FAS: variants seen among roughly 807,000 people sequenced by gnomAD.
FAS encodes the protein Fas cell surface death receptor.
A neutral mutation model predicts 33.2 loss-of-function variants in FAS; 5 were observed. That is an observed-to-expected ratio of 0.15 (90% confidence interval 0.08 to 0.32). The LOEUF (loss-of-function observed/expected upper bound fraction) is 0.32, where lower values mean the gene tolerates loss of function less well. Ranked by LOEUF, FAS falls within the 10% of genes least tolerant of loss-of-function variation. The pLI is 1.00. For synonymous variants in FAS, 131 were observed against 130.7 expected, an observed-to-expected ratio of 1.00 and a Z score of -0.01; for missense variants, 339 against 386.0, an observed-to-expected ratio of 0.88 and a Z score of 1.02.
At chr10:88,987,669 G>T (rs1173464690), upstream of FAS, among the ~76,000 whole-genome samples, 2 of 152,240 alleles carry the variant, frequency 1.3e-5, no homozygotes, top group East Asian at 3.8e-4. Flanking sequence ...GTGATGTGCT[G>T]ATTGGCTTAA....
upstream of FAS, among the ~76,000 whole-genome samples, chr10:88,985,416 T>A (rs540497566): frequency 6.6e-6 from 1 of 152,240 alleles, no homozygotes; most frequent in African/African-American, 2.4e-5. Flanking sequence ...TTAATACCAC[T>A]ATTGTATTAG....
intron 2 of FAS, among the ~76,000 whole-genome samples, chr10:89,006,630 A>C (rs1465459018): frequency 6.6e-6 from 1 of 152,178 alleles, no homozygotes; most frequent in East Asian, 1.9e-4. Context: ...CTATTCCCTT[A>C]CCTTCATCTA....
intron 1 of FAS, among the ~76,000 whole-genome samples, chr10:88,999,819 G>T (rs1025823096): frequency 4.6e-5 from 7 of 152,084 alleles, no homozygotes; most frequent in East Asian, 3.8e-4. Context: ...TTGCATTTTT[G>T]ACATGGGAAT....
chr10:88,969,304 A>C (rs1846380629), intron 1 of FAS, among the ~76,000 whole-genome samples: 1 of 152,050 alleles, frequency 6.6e-6, no homozygotes. Flanking sequence ...TTTTCCATCA[A>C]AAAAAAATCT....
At chr10:88,990,462 G>T, upstream of FAS, 1 of 515,626 alleles carries the variant, frequency 1.9e-6, no homozygotes, top group Non-Finnish European at 3.7e-6. The surrounding 1 kb of genome is among the most constrained non-coding windows in gnomAD (Gnocchi z 4.9). Flanking sequence ...CTGCAGGAAC[G>T]CCCCGGGACA....
chr10:88,981,578 C>G (rs116892683), intron 2 of FAS, among the ~76,000 whole-genome samples: 98 of 152,248 alleles, frequency 6.4e-4, no homozygotes, highest in East Asian at 5.0e-3. Context: ...AAAACAGGGA[C>G]ATTTCCCAAT....
intron 1 of FAS, chr10:88,973,171 G>A (rs1846487793): frequency 1.2e-6 from 2 of 1,608,868 alleles, no homozygotes; most frequent in South Asian, 2.2e-5. Context: ...TTTCTTCTGT[G>A]TGACCTATAG....
Position 89,003,012 on chromosome 10 carries a change from A to C in FAS, c.31-17A>C. 2 of 1,613,984 alleles carry C rather than the reference A, an allele frequency of 1.2e-6. No individual in the cohort carries two copies. Among genetic ancestry groups the C allele is most frequent in the Non-Finnish European group, 1.7e-6 (2 of 1,179,920 alleles). The stretch of plus-strand genomic sequence containing the variant: ...TTCAGAAATCAATAAAATTCTCTTC[A>C]TGCTTTTATTTTACAGGTTCTTACG... On this transcript the variant is annotated splice_polypyrimidine_tract_variant and intron_variant, in intron 1 of 8. Coordinates refer to ENST00000652046, the MANE Select transcript of FAS (RefSeq NM_000043.6).
At chr10:89,005,945 A>C (rs569410405) in intron 2 of FAS, among the ~76,000 whole-genome samples, 5 of 152,308 alleles carry the variant, frequency 3.3e-5, no homozygotes, top group Non-Finnish European at 5.9e-5. Flanking sequence ...GGCCTGATAC[A>C]TAAGTTCTTA....
upstream of FAS, among the ~76,000 whole-genome samples, chr10:88,981,778 G>A (rs904632861): frequency 7.9e-5 from 12 of 152,266 alleles, no homozygotes; most frequent in Middle Eastern, 3.4e-3. Flanking sequence ...GTCTGTGCTC[G>A]TGGGTATGTA....
Position 88,990,959 on chromosome 10 carries a change from A to G in FAS, c.30+53A>G. 1 of 1,613,054 alleles carries G rather than the reference A, an allele frequency of 6.2e-7. No homozygotes were observed. The highest frequency in any genetic ancestry group is 1.1e-5 in the South Asian group (1 of 91,052). On this transcript the variant is annotated intron_variant, in intron 1 of 8. Coordinates refer to ENST00000652046, the MANE Select transcript of FAS (RefSeq NM_000043.6). The surrounding 1 kb of genome is among the most constrained non-coding windows in gnomAD (Gnocchi z 4.9). ...CTTACCCCGTCTTAGTCCCGGGGAT[A>G]GGCAAAGTGGGGCGGGCGCGGGACG...
chr10:89,008,979 A>G lies in FAS; in HGVS notation c.425A>G (p.His142Arg). The change falls in exon 4 of 9, where the codon CAC becomes CGC. Residue 142 changes from histidine (H) to arginine (R), a missense_variant. Around this residue, in one of 3 missense-constraint regions of FAS, gnomAD observed 276 missense variants for 300.1 expected, o/e 0.92. Coordinates refer to ENST00000652046, the MANE Select transcript of FAS (RefSeq NM_000043.6). ...TTTTGTAACTCTACTGTATGTGAAC[A>G]CTGTGACCCTTGCACCAAGTAAGTT... ...NFFCNSTVCE[H>R]CDPCTKCEHG... 6.2e-7 allele frequency: 1 copy of G among 1,613,670 alleles called. No individual in the cohort carries two copies. Among genetic ancestry groups the G allele is most frequent in the Non-Finnish European group, 8.5e-7 (1 of 1,179,544 alleles).
At chr10:88,999,156 A>AAAAT (rs1315595413) in intron 1 of FAS, among the ~76,000 whole-genome samples, 5 of 117,434 alleles carry the variant, frequency 4.3e-5, no homozygotes, top group Non-Finnish European at 9.8e-5. Context: ...CCGTCTCAAA[A>AAAAT]AAATAAATAA....
At chr10:89,007,089 T>C (rs1261896684) in intron 2 of FAS, among the ~76,000 whole-genome samples, 1 of 152,190 alleles carries the variant, frequency 6.6e-6, no homozygotes, top group Non-Finnish European at 1.5e-5. Context: ...CGAGTGCAGC[T>C]CTGACAGCAA....
At position 89,016,338 on chromosome 10, in the gene FAS, C is replaced by T. The variant is rs1028556515; in HGVS notation, c.*1888C>T. ...GATCACAGGGTTCACTCATTAATTT[C>T]TCTTTTCTGAGCCATCATAGTCTGT... On this transcript the variant is annotated 3_prime_UTR_variant, in exon 9 of 9. Coordinates refer to ENST00000652046, the MANE Select transcript of FAS (RefSeq NM_000043.6). The T allele has an allele frequency of 1.8e-5, 4 of 218,694 alleles. No individual in the cohort carries two copies. Among genetic ancestry groups the T allele is most frequent in the Non-Finnish European group, 2.8e-5 (3 of 108,934 alleles). The allele number at this position is 218,694 out of a possible 1,614,324, so 13.5% of individuals were successfully genotyped here.
intron 6 of FAS, 76 bp from the exon 7 acceptor site, chr10:89,011,923 T>A: frequency 8.0e-7 from 1 of 1,253,154 alleles, no homozygotes; most frequent in Admixed American, 1.8e-5. Context: ...TATATTTCTC[T>A]TAGTGTGAAA....
At chr10:88,978,269 G>GTC (rs1846621275) in intron 2 of FAS, among the ~76,000 whole-genome samples, 1 of 115,760 alleles carries the variant, frequency 8.6e-6, no homozygotes, top group Non-Finnish European at 1.7e-5. Context: ...GGAGGGGGGA[G>GTC]GGATAGCATC....
chr10:88,981,366 G>C (rs1424147136), intron 2 of FAS, among the ~76,000 whole-genome samples: 2 of 143,800 alleles, frequency 1.4e-5, no homozygotes, highest in Non-Finnish European at 3.0e-5. Context: ...TTAACCATCG[G>C]GTTAAGAGAG....
chr10:89,010,929 T>G, intron 6 of FAS, 114 bp downstream of exon 6: 1 of 1,242,590 alleles, frequency 8.0e-7, no homozygotes, highest in East Asian at 2.3e-5. Flanking sequence ...TTATGTATTG[T>G]TAATTTCTTG....
Sources: allele counts gnomAD v4.1 joint callset (sites outside exome capture counted in the v4.1 genomes callset), GRCh38; gene constraint gnomAD v4.1.1; regional missense constraint gnomAD v4.1.1; non-coding constraint Gnocchi (gnomAD v3.1); transcripts MANE v1.5; gene names NCBI Gene and HGNC (gene_info 2026-07-23, HGNC 2026-07-21).